The following FABP12 variants were observed in gnomAD, a reference collection of about 807,000 sequenced individuals.
FABP12 encodes the protein fatty acid-binding protein 12.
FABP12 carries 19 observed loss-of-function variants against 13.7 expected under a neutral mutation model. That is an observed-to-expected ratio of 1.39 (90% confidence interval 0.97 to 2.04). The LOEUF is 2.04. FABP12 is among the 30% of genes most tolerant of loss of function. The probability of loss-of-function intolerance (pLI) is 0.00; values close to 1 mark genes in which losing one functional copy is unlikely to be tolerated. For synonymous variants in FABP12, 61 were observed against 57.0 expected, an observed-to-expected ratio of 1.07 and a Z score of -0.32; for missense variants, 182 against 164.2, an observed-to-expected ratio of 1.11 and a Z score of -0.59.
chr8:81,539,043 T>C (rs1000743745), intron 2 of FABP12, among the ~76,000 whole-genome samples: 5 of 152,136 alleles, frequency 3.3e-5, no homozygotes, highest in Non-Finnish European at 5.9e-5. Context: ...GAGATGGGAT[T>C]ATGCCATGTT....
intron 1 of FABP12, among the ~76,000 whole-genome samples, chr8:81,570,472 G>C (rs1809909509): frequency 1.3e-5 from 2 of 152,156 alleles, no homozygotes; most frequent in African/African-American, 4.8e-5. Context: ...AGACCGCAGT[G>C]GGCAGCTCCT....
chr8:81,573,754 T>G (rs996487503), intron 1 of FABP12, among the ~76,000 whole-genome samples: 5 of 152,204 alleles, frequency 3.3e-5, no homozygotes, highest in Admixed American at 3.3e-4. Flanking sequence ...ATTCTCTGCT[T>G]GTTCACTCTT....
intron 1 of FABP12, among the ~76,000 whole-genome samples, chr8:81,573,759 A>G (rs752254594): frequency 2.7e-5 from 4 of 150,376 alleles, no homozygotes; most frequent in Non-Finnish European, 5.9e-5. Flanking sequence ...CTGCTTGTTC[A>G]CTCTTGGTGT....
chr8:81,562,722 T>G (rs1157202645), intron 1 of FABP12, among the ~76,000 whole-genome samples: 1 of 152,070 alleles, frequency 6.6e-6, no homozygotes, highest in South Asian at 2.1e-4. Flanking sequence ...AAGAACTTCA[T>G]CTTGTGGCTT....
upstream of FABP12, among the ~76,000 whole-genome samples, chr8:81,534,915 G>A (rs760156711): frequency 1.5e-4 from 23 of 152,020 alleles, no homozygotes; most frequent in Middle Eastern, 6.8e-3. Flanking sequence ...TCCAGCCTGG[G>A]CAACAGAGTG....
At chr8:81,576,704 T>C (rs1810053422) in intron 1 of FABP12, among the ~76,000 whole-genome samples, 1 of 152,208 alleles carries the variant, frequency 6.6e-6, no homozygotes, top group Non-Finnish European at 1.5e-5. Flanking sequence ...CTAGGGTATG[T>C]TCCAGTGACA....
upstream of FABP12, among the ~76,000 whole-genome samples, chr8:81,536,310 T>C (rs1809220792): frequency 6.6e-6 from 1 of 152,226 alleles, no homozygotes; most frequent in Non-Finnish European, 1.5e-5. Context: ...TTTTTCTTTC[T>C]ATAGAAAAGT....
chr8:81,529,767 A>ACGC (rs1809014083), intron 2 of FABP12, among the ~76,000 whole-genome samples, 157 bp from the exon 3 acceptor site: 1 of 152,264 alleles, frequency 6.6e-6, no homozygotes, highest in South Asian at 2.1e-4. Context: ...GAACAGATTT[A>ACGC]ATGGTGCATG....
At chr8:81,526,104 C>G (rs559561862) in intron 4 of FABP12, 8 of 151,984 alleles carry the variant, frequency 5.3e-5, no homozygotes, top group Non-Finnish European at 5.9e-5. Flanking sequence ...CTTAGTCTTC[C>G]CCTTGTGAAT....
intron 1 of FABP12, among the ~76,000 whole-genome samples, chr8:81,560,340 A>C (rs1809702672): frequency 6.6e-6 from 1 of 152,264 alleles, no homozygotes; most frequent in Non-Finnish European, 1.5e-5. Context: ...AACTCAAGAG[A>C]AGATGCTGGA....
At chr8:81,536,271 T>C (rs955196192), upstream of FABP12, among the ~76,000 whole-genome samples, 1 of 152,220 alleles carries the variant, frequency 6.6e-6, no homozygotes, top group Non-Finnish European at 1.5e-5. Flanking sequence ...TCTTCTGATG[T>C]ATATACACAT....
chr8:81,555,023 C>T (rs1203910996), intron 1 of FABP12, among the ~76,000 whole-genome samples: 1 of 151,968 alleles, frequency 6.6e-6, no homozygotes, highest in African/African-American at 2.4e-5. Flanking sequence ...TTCATGTTTT[C>T]TTGCTACAAA....
chr8:81,568,813 T>A (rs1809874011), intron 1 of FABP12, among the ~76,000 whole-genome samples: 1 of 152,168 alleles, frequency 6.6e-6, no homozygotes, highest in African/African-American at 2.4e-5. Flanking sequence ...TGTAGCAACA[T>A]GGATGGAAGT....
intron 1 of FABP12, among the ~76,000 whole-genome samples, chr8:81,570,361 CGAAGTTCTTGTTCTGCTACCAG>C (rs760585229): frequency 1.5e-4 from 23 of 152,288 alleles, no homozygotes; most frequent in Non-Finnish European, 2.9e-4. Context: ...TTGGCAGGTC[CGAAGTTCTTGTTCTGCTACCAG>C]GAAGAATGAG....
intron 1 of FABP12, among the ~76,000 whole-genome samples, chr8:81,571,317 T>G (rs1809928216): frequency 6.6e-6 from 1 of 152,202 alleles, no homozygotes; most frequent in African/African-American, 2.4e-5. Context: ...TAGCCCCAAC[T>G]TGGGCCTTGA....
intron 2 of FABP12, among the ~76,000 whole-genome samples, chr8:81,530,179 C>T (rs950642271): frequency 1.3e-5 from 2 of 152,046 alleles, no homozygotes; most frequent in African/African-American, 4.8e-5. Context: ...GCAAGCATCA[C>T]CATTATTTAT....
intron 1 of FABP12, among the ~76,000 whole-genome samples, chr8:81,574,897 C>G (rs1281422764): frequency 6.6e-6 from 1 of 150,982 alleles, no homozygotes; most frequent in South Asian, 2.1e-4. Context: ...TTTAAAGAAC[C>G]AGCTTTTTGT....
intron 1 of FABP12, among the ~76,000 whole-genome samples, chr8:81,548,233 A>G (rs1337549531): frequency 4.6e-5 from 7 of 152,202 alleles, no homozygotes; most frequent in Admixed American, 3.9e-4. Context: ...AAATCCACCA[A>G]GTGATTCTAA....
At chr8:81,525,585 A>G (rs1169322342) in intron 4 of FABP12, among the ~76,000 whole-genome samples, 6 of 152,136 alleles carry the variant, frequency 3.9e-5, no homozygotes, top group African/African-American at 1.4e-4. Context: ...AGATCTATAT[A>G]GACTATAGAT....
Sources: allele counts gnomAD v4.1 joint callset (sites outside exome capture counted in the v4.1 genomes callset), GRCh38; gene constraint gnomAD v4.1.1; transcripts MANE v1.5; gene names NCBI Gene and HGNC (gene_info 2026-07-23, HGNC 2026-07-21).